The following NEK11 variants were observed in gnomAD, a reference collection of about 807,000 sequenced individuals.
The protein encoded by NEK11 is NIMA related kinase 11, also known as serine/threonine-protein kinase Nek11.
A neutral mutation model predicts 80.7 loss-of-function variants in NEK11; 72 were observed. The observed-to-expected ratio is 0.89, with a 90% CI of 0.74 to 1.08. The LOEUF is 1.08. Among genes scored for constraint, NEK11 ranks in the 50% least tolerant of loss-of-function variants. The pLI, the probability that NEK11 is intolerant of heterozygous loss-of-function variation, is 0.00. For missense variants in NEK11, 764 were observed against 763.6 expected (o/e 1.00, Z -0.01); for synonymous variants, 251 against 260.7 (o/e 0.96, Z 0.36).
chr3:131,150,578 A>G (rs1409949105), intron 7 of NEK11, among the ~76,000 whole-genome samples: 1 of 151,814 alleles, frequency 6.6e-6, no homozygotes, highest in African/African-American at 2.4e-5. Context: ...ACCTCTCTGT[A>G]TTCCTATATT....
intron 3 of NEK11, among the ~76,000 whole-genome samples, chr3:131,033,694 G>A (rs187414926): frequency 6.6e-6 from 1 of 152,118 alleles, no homozygotes; most frequent in Admixed American, 6.5e-5. Context: ...TTGACATTTT[G>A]CATACAGGGT....
intron 14 of NEK11, among the ~76,000 whole-genome samples, chr3:131,199,560 G>A (rs1191187093): frequency 6.6e-6 from 1 of 150,400 alleles, no homozygotes; most frequent in African/African-American, 2.4e-5. Context: ...AATATCATAT[G>A]TAAAGAACTC....
chr3:131,132,771 C>A lies in NEK11; in HGVS notation c.482C>A (p.Ser161Ter). The A allele has an allele frequency of 1.3e-6, 2 of 1,532,424 alleles. No individual in the cohort carries two copies. The highest frequency in any genetic ancestry group is 2.4e-5 in the South Asian group (2 of 83,342). The allele number at this position is 1,532,424 out of a possible 1,614,324, so 94.9% of individuals were successfully genotyped here. The change falls in exon 6 of 18, where the codon TCA (serine) becomes TAA (stop). Residue 161 changes from serine to a stop codon, truncating the protein, a stop_gained. Coordinates refer to ENST00000383366, the MANE Select transcript of NEK11 (RefSeq NM_024800.5). LOFTEE classifies it high-confidence loss of function. ...ERRILHRDLK[S>*]KNVFLKNNLL... ...AGGATACTTCATCGAGACTTAAAGT[C>A]AAAGAATGTATTTCTGAAAAATAAT...
At chr3:131,340,917 C>T (rs568550098) in intron 17 of NEK11, among the ~76,000 whole-genome samples, 2 of 152,044 alleles carry the variant, frequency 1.3e-5, no homozygotes, top group East Asian at 1.9e-4. Flanking sequence ...AGGAAATGCA[C>T]CATAGAAAGA....
chr3:131,265,476 G>A (rs1342510860), intron 16 of NEK11, among the ~76,000 whole-genome samples: 2 of 152,142 alleles, frequency 1.3e-5, no homozygotes, highest in Non-Finnish European at 2.9e-5. Flanking sequence ...AGATAATCAT[G>A]TGGTTTTTGT....
At chr3:131,302,171 AT>A (rs951901872) in intron 17 of NEK11, among the ~76,000 whole-genome samples, 22 of 150,744 alleles carry the variant, frequency 1.5e-4, no homozygotes, top group Admixed American at 6.6e-4. Context: ...GTCTCTGAGG[AT>A]TTTTTTTTAT....
chr3:131,185,749 C>A lies in NEK11; in HGVS notation c.1399+14862C>A, dbSNP rs191516321. Among the ~76,000 whole-genome samples the A allele has an allele frequency of 7.9e-5, 12 of 152,270 alleles. No homozygotes were observed. The East Asian group carries it at 2.1e-3, about 27-fold the overall frequency. ...TCTATAATTCAGTAGTTTTCTCTGA[C>A]TTAAAGTAACTGTACCTCCAATATG... On this transcript the variant is annotated intron_variant, in intron 14 of 17. Coordinates refer to ENST00000383366, the MANE Select transcript of NEK11 (RefSeq NM_024800.5).
chr3:131,066,771 G>A (rs992662273), intron 3 of NEK11, among the ~76,000 whole-genome samples: 2 of 151,622 alleles, frequency 1.3e-5, no homozygotes, highest in Non-Finnish European at 2.9e-5. Context: ...GAACTTGGGA[G>A]GCGGAGGTTG....
chr3:131,053,032 A>T (rs192497939), intron 3 of NEK11, among the ~76,000 whole-genome samples: 177 of 152,258 alleles, frequency 1.2e-3, no homozygotes, highest in African/African-American at 4.1e-3. Flanking sequence ...GGACACTCTT[A>T]TTAGCATTAA....
chr3:131,190,621 C>T (rs2093758016), intron 14 of NEK11, among the ~76,000 whole-genome samples: 1 of 152,144 alleles, frequency 6.6e-6, no homozygotes, highest in South Asian at 2.1e-4. Context: ...GTACAGCCTG[C>T]AGAACCCTCA....
intron 14 of NEK11, among the ~76,000 whole-genome samples, chr3:131,214,043 A>G (rs1561008005): frequency 6.6e-6 from 1 of 152,198 alleles, no homozygotes; most frequent in Non-Finnish European, 1.5e-5. Context: ...TCTGCAAATC[A>G]GGAAGGGAGC....
At chr3:131,339,467 G>A (rs180770579) in intron 17 of NEK11, among the ~76,000 whole-genome samples, 8 of 152,296 alleles carry the variant, frequency 5.3e-5, no homozygotes, top group East Asian at 3.9e-4. Flanking sequence ...AGTGTCTAAC[G>A]GGGCTTCGGT....
At chr3:131,294,824 T>C (rs931683730) in intron 17 of NEK11, among the ~76,000 whole-genome samples, 4 of 152,180 alleles carry the variant, frequency 2.6e-5, no homozygotes, top group African/African-American at 9.6e-5. Context: ...TATTACTATG[T>C]AATGCCTTTA....
At chr3:131,271,874 T>C (rs1442002252) in intron 16 of NEK11, among the ~76,000 whole-genome samples, 1 of 151,900 alleles carries the variant, frequency 6.6e-6, no homozygotes, top group African/African-American at 2.4e-5. Context: ...GCGGATCACC[T>C]GAGCTCGGGA....
chr3:131,163,026 G>A (rs941012186), intron 11 of NEK11, among the ~76,000 whole-genome samples: 5 of 152,210 alleles, frequency 3.3e-5, no homozygotes, highest in East Asian at 1.9e-4. Flanking sequence ...TGCTCAGGGC[G>A]ATGTTGCTGG....
At chr3:131,196,874 T>G (rs2094036429) in intron 14 of NEK11, among the ~76,000 whole-genome samples, 2 of 151,062 alleles carry the variant, frequency 1.3e-5, no homozygotes. Flanking sequence ...TGTTGCAAGA[T>G]TTAATAGAGT....
intron 4 of NEK11, among the ~76,000 whole-genome samples, chr3:131,108,450 C>T (rs1479842393): frequency 6.6e-6 from 1 of 152,148 alleles, no homozygotes; most frequent in Non-Finnish European, 1.5e-5. Context: ...ACACAGTTAA[C>T]ATTGAATCCA....
intron 17 of NEK11, among the ~76,000 whole-genome samples, chr3:131,336,558 G>A (rs1234279208): frequency 6.6e-6 from 1 of 152,080 alleles, no homozygotes; most frequent in Non-Finnish European, 1.5e-5. Flanking sequence ...ATAGGCGTGG[G>A]CAAGGACTTC....
intron 4 of NEK11, among the ~76,000 whole-genome samples, chr3:131,105,058 A>G (rs1178030663): frequency 2.0e-5 from 3 of 152,198 alleles, no homozygotes; most frequent in Non-Finnish European, 4.4e-5. Flanking sequence ...TTGAAGATCT[A>G]GTGTTTACTT....
Sources: allele counts gnomAD v4.1 joint callset (sites outside exome capture counted in the v4.1 genomes callset), GRCh38; gene constraint gnomAD v4.1.1; transcripts MANE v1.5; gene names NCBI Gene and HGNC (gene_info 2026-07-23, HGNC 2026-07-21).